Variants in SOX5 observed in about 807,000 individuals in gnomAD.
SOX5 encodes SRY-box transcription factor 5, also known as transcription factor SOX-5.
SOX5 carries 9 observed loss-of-function variants against 92.0 expected under a neutral mutation model. The observed-to-expected ratio is 0.10, with a 90% CI of 0.06 to 0.17. SOX5 has a LOEUF of 0.17. Among genes scored for constraint, SOX5 ranks in the 10% least tolerant of loss-of-function variants. SOX5 has a pLI of 1.00. For synonymous variants in SOX5, 344 were observed against 336.3 expected (o/e 1.02, Z -0.25); for missense variants, 642 against 944.5 (o/e 0.68, Z 4.20).
At chr12:23,680,007 T>C (rs976809006) in intron 6 of SOX5, among the ~76,000 whole-genome samples, 14 of 151,230 alleles carry the variant, frequency 9.3e-5, no homozygotes, top group African/African-American at 3.4e-4. Context: ...TGAAAAATAA[T>C]TGAAAAGAAC....
intron 1 of SOX5, among the ~76,000 whole-genome samples, chr12:24,434,914 T>A (rs894163521): frequency 2.0e-5 from 3 of 152,262 alleles, no homozygotes; most frequent in African/African-American, 7.2e-5. Flanking sequence ...AAGAATGGAC[T>A]AATACAGTCT....
At chr12:24,057,390 A>C (rs775405101) in intron 4 of SOX5, among the ~76,000 whole-genome samples, 1 of 152,242 alleles carries the variant, frequency 6.6e-6, no homozygotes, top group Non-Finnish European at 1.5e-5. Context: ...TCCTATGAAG[A>C]AACTCAGGCA....
At chr12:23,983,121 T>TTTA (rs1555460690) in intron 4 of SOX5, among the ~76,000 whole-genome samples, 1 of 146,698 alleles carries the variant, frequency 6.8e-6, no homozygotes, top group African/African-American at 2.5e-5. Context: ...TTTTTTTTTT[T>TTTA]AAGTAAGCCC....
chr12:23,768,791 T>C (rs2094824176), intron 3 of SOX5, among the ~76,000 whole-genome samples: 1 of 152,158 alleles, frequency 6.6e-6, no homozygotes, highest in African/African-American at 2.4e-5. Context: ...AAAATTGATC[T>C]TTATTGCTTG....
intron 2 of SOX5, among the ~76,000 whole-genome samples, chr12:24,283,109 C>G (rs1390847731): frequency 6.6e-6 from 1 of 152,160 alleles, no homozygotes; most frequent in Non-Finnish European, 1.5e-5. Context: ...CACTGGAGAA[C>G]AGAAAAACAC....
chr12:24,374,526 CA>C (rs1401057085), intron 1 of SOX5, among the ~76,000 whole-genome samples: 14 of 152,016 alleles, frequency 9.2e-5, no homozygotes, highest in African/African-American at 3.1e-4. Context: ...TACACACACA[CA>C]CACACACACA....
At chr12:24,121,246 T>A (rs1948580537) in intron 4 of SOX5, among the ~76,000 whole-genome samples, 1 of 152,206 alleles carries the variant, frequency 6.6e-6, no homozygotes, top group Non-Finnish European at 1.5e-5. Flanking sequence ...GATCCATGAA[T>A]ATGAGCATTC....
chr12:23,882,983 C>A (rs1233341618), intron 2 of SOX5, among the ~76,000 whole-genome samples: 1 of 151,988 alleles, frequency 6.6e-6, no homozygotes, highest in Non-Finnish European at 1.5e-5. Context: ...AGATCGAGAC[C>A]ATCCTGGCTA....
At chr12:23,756,338 T>C (rs2094377118) in intron 3 of SOX5, among the ~76,000 whole-genome samples, 1 of 151,850 alleles carries the variant, frequency 6.6e-6, no homozygotes, top group Non-Finnish European at 1.5e-5. Flanking sequence ...ATTATTTGCT[T>C]ATTTCAGATT....
chr12:24,095,128 C>CAGAGAGAGAGAGAGAGAGAGAG (rs764681203), intron 4 of SOX5, among the ~76,000 whole-genome samples: 3 of 90,232 alleles, frequency 3.3e-5, no homozygotes, highest in Admixed American at 2.2e-4. Flanking sequence ...CACACACACA[C>CAGAGAGAGAGAGAGAGAGAGAG]AGAGAGAGAG....
intron 2 of SOX5, among the ~76,000 whole-genome samples, chr12:24,344,272 ACT>A (rs1364570897): frequency 7.6e-6 from 1 of 130,966 alleles, no homozygotes; most frequent in African/African-American, 2.9e-5. Context: ...ACAGAGCAAG[ACT>A]CTGTCTCAAA....
intron 3 of SOX5, among the ~76,000 whole-genome samples, chr12:23,764,879 T>C (rs2094667586): frequency 6.6e-6 from 1 of 152,038 alleles, no homozygotes; most frequent in South Asian, 2.1e-4. Context: ...CTACACATCC[T>C]GAATCTTCTC....
chr12:24,498,722 C>T (rs1014206960), intron 1 of SOX5, among the ~76,000 whole-genome samples: 1 of 152,144 alleles, frequency 6.6e-6, no homozygotes, highest in East Asian at 1.9e-4. Context: ...AGAATCAGAT[C>T]ATTACACCCT....
Position 23,604,473 on chromosome 12 carries a change from T to A in SOX5, c.1078A>T (p.Ile360Leu). ...QVSPGGKLPG[I>L]PQGNLGAAVS... ...GCAGCACCAAGGTTGCCTTGGGGTA[T>A]GCCTGGCAGCTTCCCTCCTGGAGAT... The change falls in exon 9 of 15, where the codon ATA (isoleucine) becomes TTA (leucine). Residue 360 changes from isoleucine (I) to leucine (L), a missense_variant. Physicochemically the swap from Ile to Leu is conservative, Grantham distance 5. Around this residue, in one of 8 missense-constraint regions of SOX5, gnomAD observed 324 missense variants for 461.6 expected, o/e 0.70. Transcript: ENST00000451604. 1.2e-6 allele frequency: 2 copies of A among 1,613,892 alleles called. No individual in the cohort carries two copies. The highest frequency in any genetic ancestry group is 4.5e-5 in the East Asian group (2 of 44,876).
chr12:24,236,823 G>C (rs981099863), intron 3 of SOX5, among the ~76,000 whole-genome samples: 2 of 152,022 alleles, frequency 1.3e-5, no homozygotes, highest in African/African-American at 2.4e-5. Context: ...TTGAAGGCAT[G>C]AGTGCAGGTG....
intron 2 of SOX5, among the ~76,000 whole-genome samples, chr12:23,847,681 A>C (rs2096589948): frequency 6.6e-6 from 1 of 152,086 alleles, no homozygotes; most frequent in South Asian, 2.1e-4. Context: ...CGAAAAAAAA[A>C]ATGTGCACAA....
intron 6 of SOX5, among the ~76,000 whole-genome samples, chr12:23,683,751 T>C (rs772193870): frequency 7.2e-5 from 11 of 152,066 alleles, no homozygotes; most frequent in Admixed American, 1.3e-4. Context: ...TAGTGTTTAC[T>C]TGACATTTTG....
chr12:23,593,818 G>C (rs16926442), intron 9 of SOX5, among the ~76,000 whole-genome samples: 2,408 of 151,810 alleles, frequency 0.016, 69 homozygotes, highest in African/African-American at 0.054. Context: ...CCTTTAAAAA[G>C]CATATACTAA....
intron 4 of SOX5, among the ~76,000 whole-genome samples, chr12:24,058,208 T>C (rs1413068015): frequency 6.6e-6 from 1 of 152,246 alleles, no homozygotes; most frequent in Non-Finnish European, 1.5e-5. Context: ...CTTATTTGCA[T>C]GGGCAAATGG....
Sources: allele counts gnomAD v4.1 joint callset (sites outside exome capture counted in the v4.1 genomes callset), GRCh38; gene constraint gnomAD v4.1.1; regional missense constraint gnomAD v4.1.1; transcripts MANE v1.5; gene names NCBI Gene and HGNC (gene_info 2026-07-23, HGNC 2026-07-21).